The following GARIN3 variants were observed in gnomAD, a reference collection of about 807,000 sequenced individuals.
GARIN3 encodes Golgi-associated RAB2 interactor protein 3.
At chr5:157,162,226 C>T in the GARIN3 span, 1 of 645,096 alleles carries the variant, frequency 1.6e-6, no homozygotes, top group East Asian at 2.9e-5. Flanking sequence ...TGGAGCTCTA[C>T]TTGCCTGGAG....
At chr5:157,163,048 C>A in the GARIN3 span, 1 of 1,614,250 alleles carries the variant, frequency 6.2e-7, no homozygotes. Flanking sequence ...ACTCATGTAG[C>A]CTTCGCTTTG....
the GARIN3 span, chr5:157,162,780 G>A: frequency 6.2e-7 from 1 of 1,614,228 alleles, no homozygotes; most frequent in South Asian, 1.1e-5. Context: ...TCTTGCGAGA[G>A]GAGCCATGTC....
At chr5:157,163,534 G>A in the GARIN3 span, 62 of 1,613,996 alleles carry the variant, frequency 3.8e-5, no homozygotes, top group South Asian at 4.4e-5. Flanking sequence ...CGCACTAGCC[G>A]TTCCGTGGGA....
chr5:157,163,298 C>T, the GARIN3 span: 6 of 1,614,100 alleles, frequency 3.7e-6, no homozygotes, highest in African/African-American at 2.7e-5. Flanking sequence ...GATTCATTTT[C>T]TCCTGGATTT....
the GARIN3 span, among the ~76,000 whole-genome samples, chr5:157,165,370 T>C: frequency 6.6e-6 from 1 of 152,164 alleles, no homozygotes; most frequent in African/African-American, 2.4e-5. Context: ...AATTCAGCCT[T>C]ATGGGACACA....
the GARIN3 span, among the ~76,000 whole-genome samples, chr5:157,164,709 AG>A: frequency 6.6e-6 from 1 of 152,356 alleles, no homozygotes; most frequent in South Asian, 2.1e-4. Context: ...ACACACACAC[AG>A]GGTGTGCTGA....
At chr5:157,163,185 C>A in the GARIN3 span, 2 of 1,614,174 alleles carry the variant, frequency 1.2e-6, no homozygotes, top group Non-Finnish European at 1.7e-6. Context: ...CGGCCCCCGC[C>A]ATCGAGGTGG....
At chr5:157,163,079 C>T in the GARIN3 span, 1 of 1,614,218 alleles carries the variant, frequency 6.2e-7, no homozygotes, top group Admixed American at 1.7e-5. Context: ...ATGAGGGGTC[C>T]CACTGCTGGT....
the GARIN3 span, chr5:157,163,688 A>T: frequency 1.9e-6 from 3 of 1,590,892 alleles, no homozygotes; most frequent in Non-Finnish European, 2.6e-6. Flanking sequence ...AACAGATGAG[A>T]TTGAGATGAC....
the GARIN3 span, chr5:157,163,029 A>C: frequency 1.1e-5 from 18 of 1,614,084 alleles, no homozygotes; most frequent in East Asian, 3.8e-4. Context: ...TCTGGCTTCC[A>C]TCTCGTTCAC....
At chr5:157,163,572 A>G in the GARIN3 span, 2 of 1,614,180 alleles carry the variant, frequency 1.2e-6, no homozygotes, top group Middle Eastern at 1.7e-4. Context: ...CTCCCCCAGC[A>G]TAAGCAGAAG....
the GARIN3 span, among the ~76,000 whole-genome samples, chr5:157,164,372 G>C: frequency 6.6e-6 from 1 of 152,140 alleles, no homozygotes; most frequent in African/African-American, 2.4e-5. Context: ...GGCTGGTGTC[G>C]ATCTCCTGAC....
At chr5:157,162,787 T>C in the GARIN3 span, 7 of 1,614,244 alleles carry the variant, frequency 4.3e-6, no homozygotes, top group Non-Finnish European at 5.9e-6. Flanking sequence ...AGAGGAGCCA[T>C]GTCGCTTGCC....
the GARIN3 span, chr5:157,165,547 C>A: frequency 6.3e-7 from 1 of 1,591,156 alleles, no homozygotes; most frequent in Non-Finnish European, 8.6e-7. Flanking sequence ...TGTTCTCGAG[C>A]CTTTGAGAGG....
chr5:157,165,486 A>G, the GARIN3 span: 1 of 1,521,394 alleles, frequency 6.6e-7, no homozygotes, highest in African/African-American at 1.4e-5. Flanking sequence ...AGAAGGCACC[A>G]AAGGCTTTGT....
At chr5:157,165,647 G>T in the GARIN3 span, 1 of 1,614,166 alleles carries the variant, frequency 6.2e-7, no homozygotes, top group African/African-American at 1.3e-5. Flanking sequence ...GTGGCCTCAG[G>T]AGATAGACAA....
chr5:157,162,786 A>G, the GARIN3 span: 29 of 1,614,070 alleles, frequency 1.8e-5, no homozygotes, highest in African/African-American at 2.5e-4. Flanking sequence ...GAGAGGAGCC[A>G]TGTCGCTTGC....
chr5:157,162,838 G>A, the GARIN3 span: 20 of 1,613,958 alleles, frequency 1.2e-5, no homozygotes, highest in African/African-American at 8.0e-5. Flanking sequence ...GTCATCTCTC[G>A]TGTTTTTATG....
chr5:157,163,143 C>T, the GARIN3 span: 2,257 of 1,614,168 alleles, frequency 1.4e-3, 2 homozygotes, highest in Non-Finnish European at 1.6e-3. Context: ...CTGCAAACGC[C>T]GCACTCAAGC....
Sources: allele counts gnomAD v4.1 joint callset (sites outside exome capture counted in the v4.1 genomes callset), GRCh38; gene constraint gnomAD v4.1.1; transcripts MANE v1.5; gene names NCBI Gene and HGNC (gene_info 2026-07-23, HGNC 2026-07-21).